Variants in SHPRH observed in about 807,000 individuals in gnomAD.
The protein encoded by SHPRH is SNF2 histone linker PHD RING helicase.
SHPRH carries 106 observed loss-of-function variants against 202.5 expected under a neutral mutation model. The observed-to-expected ratio is 0.52, with a 90% confidence interval of 0.45 to 0.62. SHPRH has a LOEUF of 0.62. SHPRH is among the 20% of genes least tolerant of loss of function. The pLI is 0.00. For missense variants in SHPRH, 1,710 were observed against 2,020.0 expected (o/e 0.85, Z 2.94); for synonymous variants, 729 against 686.0 (o/e 1.06, Z -0.98).
Position 145,955,072 on chromosome 6 carries a change from T to C in SHPRH, c.251A>G (p.Glu84Gly), listed in dbSNP as rs780857749. Residue 84 changes from glutamate to glycine, a missense_variant, in exon 2 of 30, where the codon GAA becomes GGA. Transcript: ENST00000275233. The part of the protein sequence containing the change: ...SKVVSFSKPI[E>G]KEETVGIFSP... ...AAAAATACCAACAGTCTCTTCTTTTTCAATTGGTTTTGAGAAGCTCACCAC... is the reference window on the plus strand; with the variant it reads ...AAAAATACCAACAGTCTCTTCTTTTCCAATTGGTTTTGAGAAGCTCACCAC... 3 of 1,613,224 alleles carry C rather than the reference T, an allele frequency of 1.9e-6. No individual in the cohort carries two copies. The East Asian group carries it at 6.7e-5, about 36-fold the overall frequency.
intron 21 of SHPRH, among the ~76,000 whole-genome samples, chr6:145,920,252 C>T (rs1252330617): frequency 6.6e-6 from 1 of 152,060 alleles, no homozygotes; most frequent in African/African-American, 2.4e-5. Flanking sequence ...CCTGGGAGAA[C>T]TGCACAGTAA....
At chr6:145,877,992 T>C (rs1215498404) in intron 2 of SHPRH, 1 of 152,216 alleles carries the variant, frequency 6.6e-6, no homozygotes, top group Non-Finnish European at 1.5e-5. Context: ...CCGACCACCT[T>C]GGGCACATGT....
intron 2 of SHPRH, among the ~76,000 whole-genome samples, chr6:145,872,407 A>G (rs981255834): frequency 1.3e-5 from 2 of 152,222 alleles, no homozygotes; most frequent in Admixed American, 6.5e-5. Context: ...TCTCAAAAGA[A>G]GACATACATG....
chr6:145,954,850 T>C lies in SHPRH; in HGVS notation c.473A>G (p.Glu158Gly). ...QFLIYVHSKG[E>G]DVEKQKKEPM... ...TTCTTTTTTTTGTTTCTCTACATCTTCACCTTTTGAATGAACATAAATCAG... is the reference window on the plus strand; with the variant it reads ...TTCTTTTTTTTGTTTCTCTACATCTCCACCTTTTGAATGAACATAAATCAG... The change falls in exon 2 of 30, where the codon GAA (glutamate) becomes GGA (glycine). Residue 158 changes from glutamate (E) to glycine (G), a missense_variant. Glu to Gly is a moderately conservative substitution (Grantham distance 98, BLOSUM62 -2). This residue lies in a region of SHPRH where 459 missense variants were observed against 426.5 expected (regional missense o/e 1.08). Transcript: ENST00000275233. 1.2e-6 allele frequency: 2 copies of C among 1,613,868 alleles called. No homozygotes were observed. The highest frequency in any genetic ancestry group is 1.7e-6 in the Non-Finnish European group (2 of 1,179,890).
At chr6:145,928,401 ACAAGATGTTCTAGC>A (rs1785095437) in intron 14 of SHPRH, among the ~76,000 whole-genome samples, 1 of 140,652 alleles carries the variant, frequency 7.1e-6, no homozygotes, top group Non-Finnish European at 1.5e-5. Context: ...AAAAAAAGGT[ACAAGATGTTCTAGC>A]TTTTATTTGC....
chr6:145,901,261 A>C (rs1157344297), intron 25 of SHPRH, among the ~76,000 whole-genome samples: 1 of 152,118 alleles, frequency 6.6e-6, no homozygotes, highest in African/African-American at 2.4e-5. Context: ...GGCAATTGAA[A>C]TGAATGTTTT....
chr6:145,897,209 C>A (rs552063297), intron 25 of SHPRH, among the ~76,000 whole-genome samples: 18 of 151,788 alleles, frequency 1.2e-4, no homozygotes, highest in African/African-American at 4.3e-4. Context: ...AAAGTAGAGA[C>A]ATTAAAACTG....
At chr6:145,957,063 T>A (rs1788578195) in intron 1 of SHPRH, among the ~76,000 whole-genome samples, 1 of 152,128 alleles carries the variant, frequency 6.6e-6, no homozygotes, top group African/African-American at 2.4e-5. Context: ...AAGGGAAATG[T>A]CCTGTAGTGG....
chr6:145,947,640 G>T lies in SHPRH; in HGVS notation c.1065C>A (p.Ile355=). 1 of 1,611,882 alleles carries T rather than the reference G, an allele frequency of 6.2e-7. No homozygotes were observed. The highest frequency in any genetic ancestry group is 8.5e-7 in the Non-Finnish European group (1 of 1,178,778). ...GCCCAGAATTTGGGTACTCACGAAT[G>T]ATGCTGAGGAAAAAAACAAGATAAA... ...KLYYNPYTGC[I]IREYPNSGPQ... Residue 355 remains isoleucine (I), a synonymous_variant, in exon 6 of 30, where the codon ATC becomes ATA. Transcript: ENST00000275233.
chr6:145,874,934 G>A (rs974040674), intron 2 of SHPRH, among the ~76,000 whole-genome samples: 25 of 152,052 alleles, frequency 1.6e-4, no homozygotes, highest in Admixed American at 1.0e-3. Context: ...TAAACATATC[G>A]ATTTTTTTCT....
At chr6:145,889,337 G>T (rs1322903210) in intron 28 of SHPRH, among the ~76,000 whole-genome samples, 1 of 152,148 alleles carries the variant, frequency 6.6e-6, no homozygotes, top group Non-Finnish European at 1.5e-5. Flanking sequence ...GGTTGACAGA[G>T]AATGGGGGAT....
At chr6:145,927,305 T>C (rs1328735053) in intron 14 of SHPRH, 28 bp from the exon 15 acceptor site, 2 of 1,588,752 alleles carry the variant, frequency 1.3e-6, no homozygotes, top group Non-Finnish European at 8.6e-7. Context: ...ATTTAAAGCA[T>C]ACGAGAGTCA....
At chr6:145,946,430 A>G in intron 6 of SHPRH, 89 bp from the exon 7 acceptor site, 1 of 1,056,218 alleles carries the variant, frequency 9.5e-7, no homozygotes, top group Non-Finnish European at 1.3e-6. Flanking sequence ...TCTTTATGGA[A>G]ATGCAAAACA....
At chr6:145,912,583 TTG>T (rs1324224441) in intron 24 of SHPRH, among the ~76,000 whole-genome samples, 5 of 152,126 alleles carry the variant, frequency 3.3e-5, no homozygotes, top group South Asian at 2.1e-4. Flanking sequence ...TAACCAGCAT[TTG>T]TACAGTACTA....
chr6:145,905,328 A>G (rs980747850), intron 25 of SHPRH: 5 of 152,278 alleles, frequency 3.3e-5, no homozygotes, highest in Non-Finnish European at 5.9e-5. Flanking sequence ...GGGAAGCAGC[A>G]TAGCTCCTAA....
At chr6:145,927,950 T>C (rs1785038103) in intron 14 of SHPRH, among the ~76,000 whole-genome samples, 1 of 152,002 alleles carries the variant, frequency 6.6e-6, no homozygotes, top group African/African-American at 2.4e-5. Flanking sequence ...AAGCACAGTC[T>C]GGCAAAGTAT....
At chr6:145,959,879 T>C (rs1788913998) in intron 1 of SHPRH, among the ~76,000 whole-genome samples, 1 of 152,238 alleles carries the variant, frequency 6.6e-6, no homozygotes, top group African/African-American at 2.4e-5. Context: ...AGTGGAATAA[T>C]ATAGAAAGCT....
chr6:145,858,059 T>C, the SHPRH span, among the ~76,000 whole-genome samples: 2 of 152,116 alleles, frequency 1.3e-5, no homozygotes, highest in African/African-American at 4.8e-5. Flanking sequence ...AAGGAATGAC[T>C]ATACTAAGAG....
chr6:145,899,267 A>C (rs1483573023), intron 25 of SHPRH, among the ~76,000 whole-genome samples: 1 of 152,160 alleles, frequency 6.6e-6, no homozygotes, highest in Non-Finnish European at 1.5e-5. Flanking sequence ...AAAGCTAGAG[A>C]TACCACACTC....
Sources: allele counts gnomAD v4.1 joint callset (sites outside exome capture counted in the v4.1 genomes callset), GRCh38; gene constraint gnomAD v4.1.1; regional missense constraint gnomAD v4.1.1; transcripts MANE v1.5; gene names NCBI Gene and HGNC (gene_info 2026-07-23, HGNC 2026-07-21).